AGMAT: variants seen among roughly 807,000 people sequenced by gnomAD.
The protein encoded by AGMAT is guanidino acid hydrolase, mitochondrial.
In AGMAT, 37 loss-of-function variants were observed where a neutral mutation model predicts 29.3. The ratio of observed to expected loss-of-function variants is 1.26; its 90% CI spans 0.97 to 1.66. The LOEUF (loss-of-function observed/expected upper bound fraction) is 1.66, where lower values mean the gene tolerates loss of function less well. Ranked by LOEUF, AGMAT falls within the 40% of genes most tolerant of loss-of-function variation. The pLI is 0.00. For missense variants in AGMAT, 498 were observed against 497.8 expected (o/e 1.00, Z 0.00); for synonymous variants, 199 against 200.8 (o/e 0.99, Z 0.08).
rs41270261 is a variant in AGMAT at position 15,579,006 on chromosome 1, G to A, written c.573C>T (p.Thr191=). 0.14 allele frequency: 218,104 copies of A among 1,613,890 alleles called. 15,473 individuals are homozygous for A. The highest frequency in any genetic ancestry group is 0.18 in the Middle Eastern group (1,069 of 6,060). ...AGAGCTTCTCTCCTAGGGCCTTGTC[G>A]GTCGTGTCCGTGTGCGCATCCACGT... ...LLHVDAHTDT[T]DKALGEKLYH... The change falls in exon 4 of 7, where the codon ACC becomes ACT. Residue 191 remains threonine, a synonymous_variant. Transcript: ENST00000375826.
intron 4 of AGMAT, 104 bp from the exon 5 acceptor site, chr1:15,577,968 C>T (rs1030137840): frequency 3.6e-6 from 4 of 1,103,400 alleles, no homozygotes; most frequent in Non-Finnish European, 5.1e-6. Context: ...CTTGACCCTC[C>T]ATCTCCATGA....
intron 3 of AGMAT, 92 bp from the exon 4 acceptor site, chr1:15,579,146 C>A: frequency 1.1e-5 from 14 of 1,320,538 alleles, no homozygotes; most frequent in Admixed American, 9.4e-5. Flanking sequence ...TGACAATTCA[C>A]AGCCAAAAAG....
intron 1 of AGMAT, among the ~76,000 whole-genome samples, chr1:15,584,459 C>G (rs1639157227): frequency 6.6e-6 from 1 of 152,096 alleles, no homozygotes; most frequent in Non-Finnish European, 1.5e-5. Context: ...AAAATCCCTT[C>G]TTGACCAATG....
chr1:15,573,538 T>G lies in AGMAT; in HGVS notation c.*113A>C, dbSNP rs1032545187. On this transcript the variant is annotated 3_prime_UTR_variant, in exon 7 of 7. Transcript: ENST00000375826. Reference sequence around the variant, plus strand: ...GACTTCACAGCCAGCAATGACACTTTCAGCAGAAAGTTTTCTTGGCATAAA... The same window carrying G: ...GACTTCACAGCCAGCAATGACACTTGCAGCAGAAAGTTTTCTTGGCATAAA... The G allele has an allele frequency of 4.3e-6, 4 of 940,106 alleles. No individual in the cohort carries two copies. Among genetic ancestry groups the G allele is most frequent in the African/African-American group, 1.6e-5 (1 of 60,898 alleles). 58.2% of individuals were successfully genotyped at this position (940,106 alleles called of 1,614,324 possible).
At chr1:15,574,667 C>CA in intron 6 of AGMAT, 90 bp downstream of exon 6, 1 of 1,183,084 alleles carries the variant, frequency 8.5e-7, no homozygotes, top group Non-Finnish European at 1.2e-6. Flanking sequence ...CTTGGGCCAC[C>CA]ATGCCTGGCC....
chr1:15,582,445 C>A (rs2103440006), intron 2 of AGMAT, among the ~76,000 whole-genome samples: 1 of 152,264 alleles, frequency 6.6e-6, no homozygotes, highest in Non-Finnish European at 1.5e-5. Context: ...GGGAGAAGTG[C>A]AGCTGAGACT....
At chr1:15,577,502 G>A (rs1639056184) in intron 5 of AGMAT, among the ~76,000 whole-genome samples, 183 bp downstream of exon 5, 2 of 152,186 alleles carry the variant, frequency 1.3e-5, no homozygotes, top group South Asian at 4.1e-4. Context: ...GAACCTGGGA[G>A]GCGGAGGTTG....
intron 6 of AGMAT, among the ~76,000 whole-genome samples, chr1:15,573,990 G>A (rs1459739099): frequency 6.6e-6 from 1 of 152,146 alleles, no homozygotes; most frequent in East Asian, 1.9e-4. Context: ...CTATAATAAT[G>A]ATGTGTACTG....
Position 15,574,898 on chromosome 1 carries a change from C to G in AGMAT, c.901-57G>C, listed in dbSNP as rs899290499. ...TGGTAATCATTTACAGTGAAAAGCA[C>G]CCAGTAGAGCTTTTCCCAGCCCACG... On this transcript the variant is annotated intron_variant, in intron 5 of 6. Coordinates refer to ENST00000375826, the MANE Select transcript of AGMAT (RefSeq NM_024758.5). 3.5e-6 allele frequency: 5 copies of G among 1,410,432 alleles called. No homozygotes were observed. The African/African-American group carries it at 5.7e-5, about 16-fold the overall frequency. The allele number at this position is 1,410,432 out of a possible 1,614,324, so 87.4% of individuals were successfully genotyped here.
In AGMAT at chr1:15,573,336, C is replaced by A; in HGVS notation, c.*315G>T. ...ATTATTTCATAGTTTTTTTAAATGT[C>A]ATGTTTCTAATGTTTAGATAATCTT... On this transcript the variant is annotated 3_prime_UTR_variant, in exon 7 of 7. Transcript: ENST00000375826. 1 of 257,884 alleles carries A rather than the reference C, an allele frequency of 3.9e-6. No homozygotes were observed. Among genetic ancestry groups the A allele is most frequent in the African/African-American group, 2.2e-5 (1 of 45,628 alleles). 16.0% of individuals were successfully genotyped at this position (257,884 alleles called of 1,614,324 possible).
chr1:15,575,432 G>C (rs1263176059), intron 5 of AGMAT: 1 of 152,726 alleles, frequency 6.5e-6, no homozygotes, highest in African/African-American at 2.4e-5. Flanking sequence ...TCAAGAGAGA[G>C]AGTTATGGCC....
In AGMAT at chr1:15,578,908, A is replaced by G; in HGVS notation, c.671T>C (p.Ile224Thr). The change falls in exon 4 of 7, where the codon ATC becomes ACC. Residue 224 changes from isoleucine (I) to threonine (T), a missense_variant. Transcript: ENST00000375826. The part of the protein sequence containing the change: ...LDCKRVVQIG[I>T]RGSSTTLDPY... ...ATCCAAGGTCGTGGAAGAGCCCCGG[A>G]TGCCAATCTGCACCACACGCTTACA... 6.2e-7 allele frequency: 1 copy of G among 1,614,130 alleles called. No individual in the cohort carries two copies. Among genetic ancestry groups the G allele is most frequent in the South Asian group, 1.1e-5 (1 of 91,084 alleles).
chr1:15,580,232 G>GTTT, intron 2 of AGMAT, 90 bp from the exon 3 acceptor site: 1 of 1,013,926 alleles, frequency 9.9e-7, no homozygotes, highest in Non-Finnish European at 1.4e-6. Flanking sequence ...TTGAGATGTA[G>GTTT]TTTTGCTCTG....
At chr1:15,573,782 T>C (rs1638993857) in intron 6 of AGMAT, 58 bp from the exon 7 acceptor site, 1 of 1,454,566 alleles carries the variant, frequency 6.9e-7, no homozygotes, top group South Asian at 1.2e-5. Context: ...GAGCCAAGCC[T>C]TGGGACTCCT....
Position 15,578,936 on chromosome 1 carries a change from C to A in AGMAT, c.643G>T (p.Asp215Tyr). 6.2e-7 allele frequency: 1 copy of A among 1,614,168 alleles called. No homozygotes were observed. The highest frequency in any genetic ancestry group is 8.5e-7 in the Non-Finnish European group (1 of 1,180,028). ...CCAATCTGCACCACACGCTTACAGT[C>A]CAGGAGACCCTCATCCACACACCGG... ...FRRCVDEGLL[D>Y]CKRVVQIGIR... The change falls in exon 4 of 7, where the codon GAC (aspartate) becomes TAC (tyrosine). Residue 215 changes from aspartate to tyrosine, a missense_variant. Physicochemically the swap from Asp to Tyr is radical, Grantham distance 160. Transcript: ENST00000375826.
intron 6 of AGMAT, 70 bp downstream of exon 6, chr1:15,574,687 A>G (rs1244941471): frequency 3.6e-6 from 5 of 1,400,500 alleles, no homozygotes; most frequent in African/African-American, 1.4e-5. Context: ...CCCATTTTCT[A>G]CTTATTAACT....
intron 6 of AGMAT, 100 bp downstream of exon 6, chr1:15,574,657 C>T (rs1348174821): frequency 1.6e-5 from 17 of 1,077,828 alleles, no homozygotes; most frequent in Non-Finnish European, 2.1e-5. Flanking sequence ...GGATTACAGG[C>T]TTGGGCCACC....
At position 15,583,462 on chromosome 1, in the gene AGMAT, G is replaced by A. The variant is rs1230607980; in HGVS notation, c.273-67C>T. ...GATTTCAGGCTTTGCTTAGGCCAGG[G>A]CTTCTCAGCCTCAGCAATTTGGGGC... On this transcript the variant is annotated intron_variant, in intron 1 of 6. Coordinates refer to ENST00000375826, the MANE Select transcript of AGMAT (RefSeq NM_024758.5). 4 of 1,474,100 alleles carry A rather than the reference G, an allele frequency of 2.7e-6. No individual in the cohort carries two copies. In the Admixed American group the frequency reaches 7.9e-5, roughly 29 times the overall value. 91.3% of individuals were successfully genotyped at this position (1,474,100 alleles called of 1,614,324 possible).
intron 1 of AGMAT, among the ~76,000 whole-genome samples, chr1:15,583,615 A>G (rs544272060): frequency 3.3e-5 from 5 of 152,286 alleles, no homozygotes; most frequent in Admixed American, 6.5e-5. Context: ...ATACTGCCAA[A>G]TGTCCCCGGA....
Sources: gnomAD v4.1 joint callset for allele counts (sites outside exome capture counted in the v4.1 genomes callset) on GRCh38, gnomAD v4.1.1 for gene constraint, MANE v1.5 for transcripts, NCBI Gene and HGNC (gene_info 2026-07-23, HGNC 2026-07-21) for gene names.